Variants in LDB2 observed in about 807,000 individuals in gnomAD.
LDB2 encodes LIM domain binding 2.
Under a neutral mutation model 44.3 loss-of-function variants are expected in LDB2, and 12 were observed. The ratio of observed to expected loss-of-function variants is 0.27; its 90% confidence interval spans 0.17 to 0.44. LDB2 has a LOEUF of 0.44. Ranked by LOEUF, LDB2 falls within the 20% of genes least tolerant of loss-of-function variation. The pLI, the probability that LDB2 is intolerant of heterozygous loss-of-function variation, is 1.00. For synonymous variants in LDB2, 164 were observed against 174.8 expected (o/e 0.94, Z 0.49); for missense variants, 344 against 473.5 (o/e 0.73, Z 2.54).
chr4:16,664,258 G>T (rs1742406215), intron 2 of LDB2, among the ~76,000 whole-genome samples: 1 of 152,170 alleles, frequency 6.6e-6, no homozygotes. Context: ...ACAGAGAGAA[G>T]ATACTGTCTG....
rs1347383774 is a variant in LDB2, at chr4:16,502,298, C to T, written c.*345G>A. The T allele has an allele frequency of 3.8e-6, 1 of 263,412 alleles. No homozygotes were observed. The highest frequency in any genetic ancestry group is 7.4e-6 in the Non-Finnish European group (1 of 134,872). The allele number at this position is 263,412 out of a possible 1,614,324, so 16.3% of individuals were successfully genotyped here. ...ATCCTGAGCACTGAGCATTTATGGA[C>T]AATATGGCCTTCGTTTGATGCATAA... On this transcript the variant is annotated 3_prime_UTR_variant, in exon 8 of 8. Coordinates refer to ENST00000304523, the MANE Select transcript of LDB2 (RefSeq NM_001290.5).
At chr4:16,528,550 A>C (rs995347210) in intron 5 of LDB2, among the ~76,000 whole-genome samples, 5 of 152,128 alleles carry the variant, frequency 3.3e-5, no homozygotes, top group African/African-American at 1.2e-4. Context: ...CCTCCTGAGA[A>C]TGGAGAGAGG....
intron 2 of LDB2, among the ~76,000 whole-genome samples, chr4:16,644,078 T>A (rs1386931047): frequency 6.6e-6 from 1 of 152,228 alleles, no homozygotes; most frequent in Non-Finnish European, 1.5e-5. Flanking sequence ...ACAGCACAGC[T>A]GTCTACGGTC....
intron 1 of LDB2, among the ~76,000 whole-genome samples, chr4:16,795,075 AG>A (rs1265243520): frequency 1.3e-5 from 2 of 152,218 alleles, no homozygotes; most frequent in Non-Finnish European, 2.9e-5. Context: ...GCTTGAAAAT[AG>A]GATCTCGATG....
intron 5 of LDB2, among the ~76,000 whole-genome samples, chr4:16,542,362 A>G (rs557405550): frequency 1.3e-5 from 2 of 152,202 alleles, no homozygotes; most frequent in South Asian, 4.1e-4. Context: ...AAACAGGGTT[A>G]TGTGATAGAA....
intron 1 of LDB2, among the ~76,000 whole-genome samples, chr4:16,782,469 G>A (rs1256174140): frequency 6.6e-6 from 1 of 151,520 alleles, no homozygotes; most frequent in Admixed American, 6.6e-5. Context: ...TCCTGCCTCA[G>A]CCTCCCAGGT....
chr4:16,897,895 AATATATATATATATATATAT>A (rs1174965862), intron 1 of LDB2, among the ~76,000 whole-genome samples: 1,770 of 78,086 alleles, frequency 0.023, 85 homozygotes, highest in African/African-American at 0.063. Flanking sequence ...TAAAAAAGAA[AATATATATATATATATATAT>A]ATATATATAT....
intron 5 of LDB2, among the ~76,000 whole-genome samples, chr4:16,513,917 C>T (rs1178740906): frequency 6.6e-6 from 1 of 152,162 alleles, no homozygotes; most frequent in Non-Finnish European, 1.5e-5. Context: ...TAACTTTTCC[C>T]TGCCTTTCTG....
intron 1 of LDB2, among the ~76,000 whole-genome samples, chr4:16,819,254 T>C (rs1781513175): frequency 2.0e-5 from 3 of 152,256 alleles, no homozygotes; most frequent in South Asian, 4.1e-4. Flanking sequence ...GGAACATTCA[T>C]AATTTCTATC....
intron 2 of LDB2, among the ~76,000 whole-genome samples, chr4:16,625,704 T>C (rs996217189): frequency 1.1e-4 from 16 of 152,218 alleles, no homozygotes. Context: ...TAAGACACCC[T>C]GAAAACTTAC....
intron 2 of LDB2, among the ~76,000 whole-genome samples, chr4:16,652,045 G>C (rs1738434122): frequency 6.6e-6 from 1 of 151,994 alleles, no homozygotes; most frequent in African/African-American, 2.4e-5. Flanking sequence ...GGAACCCTTG[G>C]ACTCAGATGA....
intron 1 of LDB2, among the ~76,000 whole-genome samples, chr4:16,777,987 C>T (rs533232083): frequency 5.3e-5 from 8 of 152,154 alleles, no homozygotes; most frequent in Non-Finnish European, 8.8e-5. Context: ...CTCCCCCATC[C>T]CTCTCCACCT....
intron 2 of LDB2, among the ~76,000 whole-genome samples, chr4:16,732,285 C>T (rs1488372340): frequency 6.6e-6 from 1 of 152,130 alleles, no homozygotes; most frequent in Non-Finnish European, 1.5e-5. Flanking sequence ...CATTTCAATA[C>T]ACCCTAAAAT....
chr4:16,731,365 T>C (rs1760718322), intron 2 of LDB2, among the ~76,000 whole-genome samples: 1 of 152,168 alleles, frequency 6.6e-6, no homozygotes, highest in Admixed American at 6.5e-5. Flanking sequence ...ATGTTGAAGC[T>C]CCAACCCTTG....
intron 2 of LDB2, among the ~76,000 whole-genome samples, chr4:16,642,576 A>G (rs1390690735): frequency 6.6e-6 from 1 of 152,226 alleles, no homozygotes; most frequent in Non-Finnish European, 1.5e-5. Flanking sequence ...TCGCTGAACT[A>G]ATAATAATTC....
intron 2 of LDB2, among the ~76,000 whole-genome samples, chr4:16,745,512 T>C (rs1431953846): frequency 6.6e-6 from 1 of 152,194 alleles, no homozygotes; most frequent in Non-Finnish European, 1.5e-5. Flanking sequence ...AAATTGAAGT[T>C]CATCTCCTGG....
chr4:16,873,490 T>A (rs1248854805), intron 1 of LDB2, among the ~76,000 whole-genome samples: 1 of 149,752 alleles, frequency 6.7e-6, no homozygotes, highest in Non-Finnish European at 1.5e-5. Flanking sequence ...ATTCACCAGT[T>A]GATCTTATGA....
intron 2 of LDB2, among the ~76,000 whole-genome samples, chr4:16,720,913 A>G (rs1182753986): frequency 6.6e-6 from 1 of 152,158 alleles, no homozygotes; most frequent in Non-Finnish European, 1.5e-5. Context: ...GAGCAGTCTA[A>G]AGATAGACTA....
chr4:16,866,748 G>T (rs906311467), intron 1 of LDB2, among the ~76,000 whole-genome samples: 1 of 152,082 alleles, frequency 6.6e-6, no homozygotes, highest in Non-Finnish European at 1.5e-5. Flanking sequence ...GTCCTGTCTT[G>T]GTAACAGCAC....
Sources: allele counts gnomAD v4.1 joint callset (sites outside exome capture counted in the v4.1 genomes callset), GRCh38; gene constraint gnomAD v4.1.1; transcripts MANE v1.5; gene names NCBI Gene and HGNC (gene_info 2026-07-23, HGNC 2026-07-21).